The following SVEP1 variants were observed in gnomAD, a reference collection of about 807,000 sequenced individuals.
The protein encoded by SVEP1 is sushi, von Willebrand factor type A, EGF and pentraxin domain containing 1.
SVEP1 carries 164 observed loss-of-function variants against 367.3 expected under a neutral mutation model. The observed-to-expected ratio is 0.45, with a 90% confidence interval of 0.39 to 0.51. The LOEUF (loss-of-function observed/expected upper bound fraction) is 0.51, where lower values mean the gene tolerates loss of function less well. Ranked by LOEUF, SVEP1 falls within the 20% of genes least tolerant of loss-of-function variation. The probability of loss-of-function intolerance (pLI) is 0.00; values close to 1 mark genes in which losing one functional copy is unlikely to be tolerated. For missense variants in SVEP1, 4,117 were observed against 4,425.3 expected, an observed-to-expected ratio of 0.93 and a Z score of 1.98; for synonymous variants, 1,666 against 1,611.6, an observed-to-expected ratio of 1.03 and a Z score of -0.81.
chr9:110,485,018 C>A (rs1271286492), intron 9 of SVEP1, among the ~76,000 whole-genome samples: 1 of 152,178 alleles, frequency 6.6e-6, no homozygotes, highest in African/African-American at 2.4e-5. Flanking sequence ...TTGTGGATGA[C>A]AATGTGGTGA....
intron 17 of SVEP1, 63 bp from the exon 18 acceptor site, chr9:110,466,089 T>G: frequency 6.6e-7 from 1 of 1,505,814 alleles, no homozygotes; most frequent in Admixed American, 2.0e-5. Flanking sequence ...ATTAGTACTG[T>G]GCGGGATAGG....
At chr9:110,369,054 A>G (rs1359764059) in intron 47 of SVEP1, among the ~76,000 whole-genome samples, 1 of 152,198 alleles carries the variant, frequency 6.6e-6, no homozygotes, top group African/African-American at 2.4e-5. Flanking sequence ...AATGAGTCCT[A>G]TATGGTAGGG....
chr9:110,488,419 G>A (rs10739303), intron 9 of SVEP1, among the ~76,000 whole-genome samples: 138,835 of 152,088 alleles, frequency 0.91, 63,534 homozygotes, highest in East Asian at 1. Context: ...GAGAAGATCA[G>A]CATTTGAGAA....
Position 110,424,197 on chromosome 9 carries a change from A to G in SVEP1, c.5975+3394T>C, listed in dbSNP as rs575277024. Reference sequence around the variant, plus strand: ...CATGTGTGCCAGGAAACATGCAAGAATATTTACTTCAGCACTTGTATTCAA... The same window carrying G: ...CATGTGTGCCAGGAAACATGCAAGAGTATTTACTTCAGCACTTGTATTCAA... On this transcript the variant is annotated intron_variant, in intron 36 of 47. Coordinates refer to ENST00000374469, the MANE Select transcript of SVEP1 (RefSeq NM_153366.4). Among the ~76,000 whole-genome samples the G allele has an allele frequency of 9.2e-5, 14 of 152,364 alleles. No homozygotes were observed. The South Asian group carries it at 2.9e-3, about 32-fold the overall frequency.
At chr9:110,398,562 A>G (rs1245973671) in intron 40 of SVEP1, among the ~76,000 whole-genome samples, 1 of 145,568 alleles carries the variant, frequency 6.9e-6, no homozygotes, top group African/African-American at 2.5e-5. Flanking sequence ...GGCAACCTAC[A>G]GAATGGGAGA....
At position 110,408,530 on chromosome 9, in the gene SVEP1, C is replaced by A. The variant is rs780960278; in HGVS notation, c.7070G>T (p.Gly2357Val). ...FSCKEGHVLQ[G>V]PSVLKCLPSQ... ...TGGCAAGCATTTCAGGACAGAGGGG[C>A]CTTGCAGGACATGCCCTTCTTTACA... The change falls in exon 38 of 48, where the codon GGC becomes GTC. Residue 2357 changes from glycine to valine, a missense_variant. This residue lies in a region of SVEP1 where 1,765 missense variants were observed against 1,781.1 expected (regional missense o/e 0.99). Coordinates refer to ENST00000374469, the MANE Select transcript of SVEP1 (RefSeq NM_153366.4). 5 of 1,613,592 alleles carry A rather than the reference C, an allele frequency of 3.1e-6. No homozygotes were observed. Among genetic ancestry groups the A allele is most frequent in the Admixed American group, 1.7e-5 (1 of 59,956 alleles).
At chr9:110,472,416 T>C (rs1446386483) in intron 14 of SVEP1, 93 bp from the exon 15 acceptor site, 3 of 1,286,478 alleles carry the variant, frequency 2.3e-6, no homozygotes, top group African/African-American at 3.0e-5. Context: ...AAATTACACT[T>C]GACCATTTCC....
At chr9:110,562,865 T>G (rs1024316222) in intron 1 of SVEP1, among the ~76,000 whole-genome samples, 1 of 152,090 alleles carries the variant, frequency 6.6e-6, no homozygotes, top group Non-Finnish European at 1.5e-5. Context: ...AATTTTTTTG[T>G]ATTTTTAGTA....
At chr9:110,508,101 A>C (rs902001880) in intron 5 of SVEP1, among the ~76,000 whole-genome samples, 2 of 152,328 alleles carry the variant, frequency 1.3e-5, no homozygotes, top group Non-Finnish European at 1.5e-5. Context: ...TTTTCAACTT[A>C]TATTTTTTTC....
At chr9:110,392,151 A>ATATATATATATATATATATATC (rs1308038317) in intron 40 of SVEP1, among the ~76,000 whole-genome samples, 3 of 146,082 alleles carry the variant, frequency 2.1e-5, no homozygotes, top group African/African-American at 8.0e-5. Flanking sequence ...ATATATATAT[A>ATATATATATATATATATATATC]TATCTCTTCT....
At chr9:110,525,446 T>C (rs1829928578) in intron 3 of SVEP1, among the ~76,000 whole-genome samples, 1 of 152,200 alleles carries the variant, frequency 6.6e-6, no homozygotes, top group East Asian at 1.9e-4. Flanking sequence ...TAAATTAATA[T>C]ATCATGTTTG....
At chr9:110,410,403 T>C (rs965177857) in intron 37 of SVEP1, among the ~76,000 whole-genome samples, 1 of 152,216 alleles carries the variant, frequency 6.6e-6, no homozygotes. Context: ...AAAACAGAAT[T>C]GTAAAAACTA....
chr9:110,563,861 G>C (rs940045694), intron 1 of SVEP1, among the ~76,000 whole-genome samples: 3 of 152,076 alleles, frequency 2.0e-5, no homozygotes, highest in Non-Finnish European at 4.4e-5. Context: ...ATGGTTCTCT[G>C]TGCAGTCTTA....
intron 27 of SVEP1, among the ~76,000 whole-genome samples, chr9:110,437,976 T>A (rs1828456055): frequency 6.6e-6 from 1 of 152,100 alleles, no homozygotes; most frequent in Non-Finnish European, 1.5e-5. Flanking sequence ...AAAGAACTCC[T>A]CTTACCTAGA....
In SVEP1 at chr9:110,377,333, A is replaced by G. The variant is rs376420146; in HGVS notation, c.10442T>C (p.Ile3481Thr). ...GGAACAAGCATTTGGGCGTTGGCAG[A>G]TGCCCCCATTCTGACATGGAAATCG... ...VCRFPCQNGG[I>T]CQRPNACSCP... The change falls in exon 45 of 48, where the codon ATC becomes ACC. Residue 3481 changes from isoleucine to threonine, a missense_variant. Transcript: ENST00000374469. 32 of 1,613,752 alleles carry G rather than the reference A, an allele frequency of 2.0e-5. No homozygotes were observed. The highest frequency in any genetic ancestry group is 2.5e-5 in the Non-Finnish European group (29 of 1,179,780).
At chr9:110,451,822 T>C (rs1828698561) in intron 22 of SVEP1, among the ~76,000 whole-genome samples, 1 of 152,208 alleles carries the variant, frequency 6.6e-6, no homozygotes, top group South Asian at 2.1e-4. Context: ...AAATAACTCA[T>C]TTTCTTCTGC....
At position 110,569,474 on chromosome 9, in the gene SVEP1, A is replaced by T. The variant is rs896739366; in HGVS notation, c.531+9539T>A. On this transcript the variant is annotated intron_variant, in intron 1 of 47. Transcript: ENST00000374469. Reference sequence around the variant, plus strand: ...TCAGTCTCAAAAAAAAAAAAAAAAAATTTGAGGCTATTGGGGCTGTTTCAG... The same window carrying T: ...TCAGTCTCAAAAAAAAAAAAAAAAATTTTGAGGCTATTGGGGCTGTTTCAG... 1.3e-3 allele frequency among the ~76,000 whole-genome samples: 193 copies of T among 151,412 alleles called. 2 individuals carry two copies. Among genetic ancestry groups the T allele is most frequent in the Admixed American group, 2.2e-3 (33 of 15,200 alleles).
chr9:110,490,019 A>G (rs1160664329), intron 8 of SVEP1, among the ~76,000 whole-genome samples: 1 of 152,184 alleles, frequency 6.6e-6, no homozygotes, highest in Non-Finnish European at 1.5e-5. Flanking sequence ...AACATCTTTT[A>G]TGCTCTTATG....
chr9:110,424,209 G>A (rs763454330), intron 36 of SVEP1, among the ~76,000 whole-genome samples: 1 of 152,190 alleles, frequency 6.6e-6, no homozygotes, highest in Non-Finnish European at 1.5e-5. Context: ...ATTTACTTCA[G>A]CACTTGTATT....
Sources: allele counts gnomAD v4.1 joint callset (sites outside exome capture counted in the v4.1 genomes callset), GRCh38; gene constraint gnomAD v4.1.1; regional missense constraint gnomAD v4.1.1; transcripts MANE v1.5; gene names NCBI Gene and HGNC (gene_info 2026-07-23, HGNC 2026-07-21).